The following ST3GAL4 variants were observed in gnomAD, a reference collection of about 807,000 sequenced individuals.
ST3GAL4 encodes CMP-N-acetylneuraminate-beta-galactosamide-alpha-2,3-sialyltransferase 4.
ST3GAL4 carries 24 observed loss-of-function variants against 42.6 expected under a neutral mutation model. The observed-to-expected ratio is 0.56, with a 90% CI of 0.41 to 0.79. The LOEUF (loss-of-function observed/expected upper bound fraction) is 0.79. ST3GAL4 is among the 30% of genes least tolerant of loss of function. The pLI is 0.00. For missense variants in ST3GAL4, 311 were observed against 430.8 expected (o/e 0.72, Z 2.46); for synonymous variants, 135 against 163.2 (o/e 0.83, Z 1.32).
intron 1 of ST3GAL4, among the ~76,000 whole-genome samples, chr11:126,362,194 T>C (rs1463580752): frequency 9.1e-6 from 1 of 109,686 alleles, no homozygotes; most frequent in Admixed American, 9.1e-5. Context: ...CATTTCTTCC[T>C]TTTTTTTTTT....
chr11:126,383,545 G>T lies in ST3GAL4; in HGVS notation c.-60-22551G>T, dbSNP rs1258207164. Among the ~76,000 whole-genome samples the T allele has an allele frequency of 6.6e-6, 1 of 152,174 alleles. No individual in the cohort carries two copies. Among genetic ancestry groups the T allele is most frequent in the African/African-American group, 2.4e-5 (1 of 41,456 alleles). ...AAGCTGTATGTGGGCATGGGGGGCG[G>T]GGGCAGAGAGGAGGAGGACTGAGAA... On this transcript the variant is annotated intron_variant, in intron 1 of 10. Transcript: ENST00000444328. This position sits in a 1 kb window ranked among gnomAD's most constrained non-coding sequence, Gnocchi z 4.5.
chr11:126,412,691 C>G (rs1412106696), intron 9 of ST3GAL4, among the ~76,000 whole-genome samples: 1 of 152,124 alleles, frequency 6.6e-6, no homozygotes, highest in Non-Finnish European at 1.5e-5. Flanking sequence ...AAAAATAGAG[C>G]GCCACCCCCA....
chr11:126,357,329 T>TC (rs1952105345), intron 1 of ST3GAL4, among the ~76,000 whole-genome samples: 1 of 152,132 alleles, frequency 6.6e-6, no homozygotes, highest in Non-Finnish European at 1.5e-5. Flanking sequence ...TCCCCCAGAC[T>TC]CCAAGATGGT....
chr11:126,369,979 G>A (rs1370827981), intron 1 of ST3GAL4, among the ~76,000 whole-genome samples: 1 of 152,148 alleles, frequency 6.6e-6, no homozygotes, highest in Admixed American at 6.5e-5. Context: ...AGCATGCATC[G>A]ATTTGCATCC....
chr11:126,361,700 C>T (rs1952250162), intron 1 of ST3GAL4, among the ~76,000 whole-genome samples: 3 of 152,042 alleles, frequency 2.0e-5, no homozygotes, highest in African/African-American at 7.2e-5. Flanking sequence ...CTCAGTGGGG[C>T]TCAGGCTGAA....
intron 1 of ST3GAL4, among the ~76,000 whole-genome samples, chr11:126,385,313 C>T (rs1413052033): frequency 1.3e-5 from 2 of 151,870 alleles, no homozygotes; most frequent in Non-Finnish European, 2.9e-5. Flanking sequence ...CCACCACACC[C>T]GGCTAATTTT....
rs1049171817 is a variant in ST3GAL4, at chr11:126,392,613, C to T, written c.-60-13483C>T. Reference sequence around the variant, plus strand: ...TCATCTTATTGTTTGCTGATGAATTCAGACCTCCATTCATTTAAATATTTG... The same window carrying T: ...TCATCTTATTGTTTGCTGATGAATTTAGACCTCCATTCATTTAAATATTTG... On this transcript the variant is annotated intron_variant, in intron 1 of 10. Transcript: ENST00000444328. This position sits in a 1 kb window ranked among gnomAD's most constrained non-coding sequence, Gnocchi z 5.8. Among the ~76,000 whole-genome samples the T allele has an allele frequency of 6.6e-6, 1 of 152,208 alleles. No homozygotes were observed. Among genetic ancestry groups the T allele is most frequent in the African/African-American group, 2.4e-5 (1 of 41,452 alleles).
At chr11:126,372,160 C>G (rs528647505) in intron 1 of ST3GAL4, among the ~76,000 whole-genome samples, 2 of 152,304 alleles carry the variant, frequency 1.3e-5, no homozygotes, top group Non-Finnish European at 2.9e-5. Context: ...CCATCCAGCT[C>G]CAGAAATCTT....
At chr11:126,375,956 G>GTTAAT (rs1226039068) in intron 1 of ST3GAL4, among the ~76,000 whole-genome samples, 2 of 141,876 alleles carry the variant, frequency 1.4e-5, no homozygotes, top group Non-Finnish European at 3.0e-5. Context: ...TGTTTCAGTT[G>GTTAAT]TTAATTCGCC....
intron 1 of ST3GAL4, among the ~76,000 whole-genome samples, chr11:126,367,316 C>G (rs553335185): frequency 1.3e-5 from 2 of 152,158 alleles, no homozygotes; most frequent in African/African-American, 2.4e-5. Flanking sequence ...GAATCTGAGT[C>G]GAGGGCAGGG....
intron 1 of ST3GAL4, among the ~76,000 whole-genome samples, chr11:126,389,996 A>T (rs1273755216): frequency 7.7e-6 from 1 of 129,888 alleles, no homozygotes; most frequent in African/African-American, 3.1e-5. Flanking sequence ...ACGCAGTGAA[A>T]CCCCGTCTCT....
intron 1 of ST3GAL4, among the ~76,000 whole-genome samples, chr11:126,387,801 T>C (rs1418843659): frequency 6.6e-6 from 1 of 152,260 alleles, no homozygotes; most frequent in Non-Finnish European, 1.5e-5. Context: ...TTTGCATCCT[T>C]CTGAGTAAAC....
rs540354693 is a variant in ST3GAL4 at position 126,396,217 on chromosome 11, G to A, written c.-60-9879G>A. 2.6e-5 allele frequency among the ~76,000 whole-genome samples: 4 copies of A among 152,120 alleles called. No homozygotes were observed. Among genetic ancestry groups the A allele is most frequent in the Non-Finnish European group, 4.4e-5 (3 of 68,020 alleles). On this transcript the variant is annotated intron_variant, in intron 1 of 10. Transcript: ENST00000444328. The surrounding 1 kb of genome is among the most constrained non-coding windows in gnomAD (Gnocchi z 5.8). Reference sequence around the variant, plus strand: ...GAACGTGGGCAGCGGACACTAAGCCGAGAGGAATCGCTGTGGGTTGGCAGA... The same window carrying A: ...GAACGTGGGCAGCGGACACTAAGCCAAGAGGAATCGCTGTGGGTTGGCAGA...
chr11:126,372,575 C>T (rs1021092902), intron 1 of ST3GAL4, among the ~76,000 whole-genome samples: 2 of 152,032 alleles, frequency 1.3e-5, no homozygotes, highest in African/African-American at 4.8e-5. Flanking sequence ...CACCACCACA[C>T]CCGGCTAATT....
intron 1 of ST3GAL4, among the ~76,000 whole-genome samples, chr11:126,362,831 T>G (rs971452183): frequency 2.0e-5 from 3 of 152,192 alleles, no homozygotes; most frequent in African/African-American, 7.2e-5. Flanking sequence ...TTTTTTAGGC[T>G]GGGAGAGGCC....
chr11:126,407,327 G>A lies in ST3GAL4; in HGVS notation c.258G>A (p.Leu86=), dbSNP rs1241380961. 2 of 1,614,178 alleles carry A rather than the reference G, an allele frequency of 1.2e-6. No individual in the cohort carries two copies. The highest frequency in any genetic ancestry group is 1.7e-5 in the Admixed American group (1 of 60,030). ...FWVKTPSAYE[L]PYGTKGSEDL... ...TCAAGACGCCATCTGCTTACGAGCT[G>A]CCCTATGGGACCAAGGGGAGTGGTA... is the stretch of plus-strand genomic sequence containing the variant. Residue 86 remains leucine, a synonymous_variant, in exon 5 of 11, where the codon CTG becomes CTA. Coordinates refer to ENST00000444328, the MANE Select transcript of ST3GAL4 (RefSeq NM_001254757.2).
Position 126,386,603 on chromosome 11 carries a change from A to C in ST3GAL4, c.-60-19493A>C, listed in dbSNP as rs1158779289. Among the ~76,000 whole-genome samples the C allele has an allele frequency of 6.6e-6, 1 of 152,056 alleles. No homozygotes were observed. The highest frequency in any genetic ancestry group is 1.5e-5 in the Non-Finnish European group (1 of 68,022). On this transcript the variant is annotated intron_variant, in intron 1 of 10. Transcript: ENST00000444328. The surrounding 1 kb of genome is among the most constrained non-coding windows in gnomAD (Gnocchi z 4.7). ...CTGGCCAGCTGTGCCGGAATTAGGA[A>C]GTGGGTACAGCTGGACAAAAGGTGG... is the stretch of plus-strand genomic sequence containing the variant.
intron 1 of ST3GAL4, among the ~76,000 whole-genome samples, chr11:126,357,005 A>T (rs1041991800): frequency 1.3e-5 from 2 of 152,234 alleles, no homozygotes; most frequent in African/African-American, 4.8e-5. Context: ...GCCTGCACGG[A>T]GGGAGAGCTG....
Position 126,366,067 on chromosome 11 carries a change from C to T in ST3GAL4, c.-61+10225C>T, listed in dbSNP as rs1014930883. On this transcript the variant is annotated intron_variant, in intron 1 of 10. Coordinates refer to ENST00000444328, the MANE Select transcript of ST3GAL4 (RefSeq NM_001254757.2). The surrounding 1 kb of genome is among the most constrained non-coding windows in gnomAD (Gnocchi z 4.2). ...GCGAGGAGCCCAGGATTCCCCTTTC[C>T]GTGACTTTGGAGGAACGAGGTTCCT... 2.0e-5 allele frequency among the ~76,000 whole-genome samples: 3 copies of T among 152,176 alleles called. No individual in the cohort carries two copies. Among genetic ancestry groups the T allele is most frequent in the Admixed American group, 6.5e-5 (1 of 15,288 alleles).
Sources: gnomAD v4.1 joint callset for allele counts (sites outside exome capture counted in the v4.1 genomes callset) on GRCh38, gnomAD v4.1.1 for gene constraint, Gnocchi (gnomAD v3.1) non-coding constraint, MANE v1.5 for transcripts, NCBI Gene and HGNC (gene_info 2026-07-23, HGNC 2026-07-21) for gene names.